STXBP5L: variants seen among roughly 807,000 people sequenced by gnomAD.
STXBP5L encodes syntaxin-binding protein 5-like.
Under a neutral mutation model 144.5 loss-of-function variants are expected in STXBP5L, and 65 were observed. The observed-to-expected ratio is 0.45, with a 90% confidence interval of 0.37 to 0.55. The LOEUF is 0.55. Ranked by LOEUF, STXBP5L falls within the 20% of genes least tolerant of loss-of-function variation. The pLI is 0.00. For missense variants in STXBP5L, 1,298 were observed against 1,405.5 expected (o/e 0.92, Z 1.22); for synonymous variants, 505 against 469.6 (o/e 1.08, Z -0.97).
In STXBP5L at chr3:121,007,752, C is replaced by T. The variant is rs570223199; in HGVS notation, c.288-33948C>T. Among the ~76,000 whole-genome samples, 46 of 152,050 alleles carry T rather than the reference C, an allele frequency of 3.0e-4. 1 individual carries two copies. Among genetic ancestry groups the T allele is most frequent in the Middle Eastern group, 3.4e-3 (1 of 294 alleles). ...CTGCTTGTAGTTGAAGCTTGCACTGCTTGTAGTTGAAGGTTACCCTGCCTG... is the reference window on the plus strand; with the variant it reads ...CTGCTTGTAGTTGAAGCTTGCACTGTTTGTAGTTGAAGGTTACCCTGCCTG... On this transcript the variant is annotated intron_variant, in intron 3 of 26. Transcript: ENST00000471454.
intron 19 of STXBP5L, among the ~76,000 whole-genome samples, chr3:121,297,664 G>T (rs758926736): frequency 9.2e-5 from 14 of 152,142 alleles, no homozygotes; most frequent in Admixed American, 2.0e-4. Flanking sequence ...TGAAGCATGA[G>T]AATTGCTTGA....
At chr3:121,050,732 C>A (rs190166484) in intron 5 of STXBP5L, among the ~76,000 whole-genome samples, 3 of 152,248 alleles carry the variant, frequency 2.0e-5, no homozygotes, top group Admixed American at 6.5e-5. Flanking sequence ...ACACACATAA[C>A]AATATTAACT....
intron 20 of STXBP5L, among the ~76,000 whole-genome samples, chr3:121,351,432 T>C (rs1184149064): frequency 1.3e-5 from 2 of 152,092 alleles, no homozygotes; most frequent in African/African-American, 4.8e-5. Flanking sequence ...AGGCAGTCTG[T>C]GTGTTCTCAA....
chr3:121,348,406 G>A (rs1308468073), intron 20 of STXBP5L, among the ~76,000 whole-genome samples: 1 of 152,038 alleles, frequency 6.6e-6, no homozygotes, highest in Non-Finnish European at 1.5e-5. Flanking sequence ...AGGGATATTG[G>A]TCTAAAATTC....
At chr3:121,215,940 A>G (rs2048761191) in intron 10 of STXBP5L, among the ~76,000 whole-genome samples, 1 of 151,922 alleles carries the variant, frequency 6.6e-6, no homozygotes, top group South Asian at 2.1e-4. Flanking sequence ...TTCATGCTTT[A>G]TTTCATTAAG....
At chr3:121,096,175 C>A (rs1397949841) in intron 5 of STXBP5L, among the ~76,000 whole-genome samples, 2 of 152,180 alleles carry the variant, frequency 1.3e-5, no homozygotes, top group African/African-American at 2.4e-5. Context: ...GCAGAAATCA[C>A]CCATCTTCTG....
chr3:120,917,840 G>A (rs772534774), intron 2 of STXBP5L, among the ~76,000 whole-genome samples: 15 of 152,138 alleles, frequency 9.9e-5, no homozygotes, highest in Non-Finnish European at 2.1e-4. Context: ...GTAAATAAAA[G>A]CATGTGATTC....
intron 18 of STXBP5L, among the ~76,000 whole-genome samples, chr3:121,279,021 A>T (rs1037992957): frequency 6.6e-6 from 1 of 151,886 alleles, no homozygotes; most frequent in Non-Finnish European, 1.5e-5. Flanking sequence ...TGGAACGTAC[A>T]TAAAACAAGC....
intron 19 of STXBP5L, among the ~76,000 whole-genome samples, chr3:121,302,111 A>T (rs2051937763): frequency 6.6e-6 from 1 of 152,198 alleles, no homozygotes; most frequent in Non-Finnish European, 1.5e-5. Context: ...GAATAGTTTC[A>T]GAAGGAATGA....
chr3:120,966,901 A>G (rs1576512905), intron 3 of STXBP5L, among the ~76,000 whole-genome samples: 1 of 152,178 alleles, frequency 6.6e-6, no homozygotes, highest in Non-Finnish European at 1.5e-5. Flanking sequence ...TACCCTGCCC[A>G]GAGAGTTGGA....
intron 3 of STXBP5L, among the ~76,000 whole-genome samples, chr3:120,980,860 T>C (rs553327088): frequency 6.6e-6 from 1 of 152,338 alleles, no homozygotes; most frequent in Non-Finnish European, 1.5e-5. Flanking sequence ...TTTCCACGTT[T>C]TGAACTCCAT....
At chr3:121,141,405 A>G (rs1388584967) in intron 7 of STXBP5L, among the ~76,000 whole-genome samples, 1 of 150,708 alleles carries the variant, frequency 6.6e-6, no homozygotes, top group Non-Finnish European at 1.5e-5. Flanking sequence ...CTCTGTCTCA[A>G]AAAAAAAAAT....
At chr3:120,962,764 T>G (rs1377799223) in intron 3 of STXBP5L, among the ~76,000 whole-genome samples, 1 of 152,240 alleles carries the variant, frequency 6.6e-6, no homozygotes, top group Non-Finnish European at 1.5e-5. Context: ...ATGCAGGCCC[T>G]TTTTTGGTTC....
chr3:121,392,882 G>A (rs915575157), intron 22 of STXBP5L, among the ~76,000 whole-genome samples: 1 of 149,588 alleles, frequency 6.7e-6, no homozygotes, highest in Non-Finnish European at 1.5e-5. Context: ...AAGTAGTGCT[G>A]CAATAAACAT....
intron 9 of STXBP5L, among the ~76,000 whole-genome samples, chr3:121,162,531 C>T (rs985513628): frequency 1.3e-5 from 2 of 152,120 alleles, no homozygotes; most frequent in Non-Finnish European, 2.9e-5. Context: ...ATGACTAAAA[C>T]AACAAAAGCA....
At chr3:121,211,582 T>C (rs1244712838) in intron 10 of STXBP5L, among the ~76,000 whole-genome samples, 13 of 141,098 alleles carry the variant, frequency 9.2e-5, no homozygotes, top group East Asian at 2.0e-4. Context: ...TTCTTTCTTT[T>C]TTTTTTTTTT....
intron 5 of STXBP5L, among the ~76,000 whole-genome samples, chr3:121,073,479 G>T (rs1031547297): frequency 6.6e-6 from 1 of 152,140 alleles, no homozygotes; most frequent in Non-Finnish European, 1.5e-5. Flanking sequence ...AAACAGGGTG[G>T]CCATCCCATA....
intron 3 of STXBP5L, among the ~76,000 whole-genome samples, chr3:121,015,227 T>A (rs763339415): frequency 3.9e-5 from 6 of 152,186 alleles, no homozygotes; most frequent in Non-Finnish European, 8.8e-5. Flanking sequence ...TAGGGATTAA[T>A]ATAAGAATTT....
At chr3:121,316,696 G>A (rs772635596) in intron 19 of STXBP5L, among the ~76,000 whole-genome samples, 11 of 152,308 alleles carry the variant, frequency 7.2e-5, no homozygotes, top group Middle Eastern at 3.4e-3. Flanking sequence ...CAAAGAGCGT[G>A]TGGCACAGTA....
Sources: gnomAD v4.1 joint callset for allele counts (sites outside exome capture counted in the v4.1 genomes callset) on GRCh38, gnomAD v4.1.1 for gene constraint, MANE v1.5 for transcripts, NCBI Gene and HGNC (gene_info 2026-07-23, HGNC 2026-07-21) for gene names.